Variants in ATP11A observed in about 807,000 individuals in gnomAD.
ATP11A encodes phospholipid-transporting ATPase IH.
Under a neutral mutation model 154.4 loss-of-function variants are expected in ATP11A, and 81 were observed. That is an observed-to-expected ratio of 0.52 (90% CI 0.44 to 0.63). ATP11A has a LOEUF of 0.63. Ranked by LOEUF, ATP11A falls within the 30% of genes least tolerant of loss-of-function variation. ATP11A has a pLI of 0.00. For missense variants in ATP11A, 1,316 were observed against 1,474.3 expected, an observed-to-expected ratio of 0.89 and a Z score of 1.76; for synonymous variants, 623 against 585.9, an observed-to-expected ratio of 1.06 and a Z score of -0.91.
chr13:112,791,174 C>T (rs529364636), intron 2 of ATP11A, among the ~76,000 whole-genome samples: 27 of 152,360 alleles, frequency 1.8e-4, no homozygotes, highest in African/African-American at 6.0e-4. Flanking sequence ...ACTCAGCCTG[C>T]GCAGCCCAGA....
At chr13:112,692,265 G>C (rs1885286089) in intron 1 of ATP11A, among the ~76,000 whole-genome samples, 1 of 152,160 alleles carries the variant, frequency 6.6e-6, no homozygotes, top group Non-Finnish European at 1.5e-5. Context: ...AGTTCATTCC[G>C]TTCCCTTCTA....
Position 112,838,442 on chromosome 13 carries a change from G to A in ATP11A, c.1705+2191G>A, listed in dbSNP as rs1245179213. Among the ~76,000 whole-genome samples, 2 of 152,012 alleles carry A rather than the reference G, an allele frequency of 1.3e-5. No homozygotes were observed. Among genetic ancestry groups the A allele is most frequent in the Admixed American group, 1.3e-4 (2 of 15,266 alleles). On this transcript the variant is annotated intron_variant, in intron 16 of 29. Transcript: ENST00000375645. This position sits in a 1 kb window ranked among gnomAD's most constrained non-coding sequence, Gnocchi z 7.3. Reference sequence around the variant, plus strand: ...GAGCCGTGGCTGGAACATGCTGCCCGTGACCTGCGGGGCTGACCACGGTGC... The same window carrying A: ...GAGCCGTGGCTGGAACATGCTGCCCATGACCTGCGGGGCTGACCACGGTGC...
rs36077773 is a variant in ATP11A at position 112,850,667 on chromosome 13, TA to T, written c.1810-360del. 6.3e-3 allele frequency among the ~76,000 whole-genome samples: 933 copies of T among 147,880 alleles called. 15 individuals are homozygous for T. The highest frequency in any genetic ancestry group is 0.021 in the African/African-American group (849 of 40,482). The stretch of plus-strand genomic sequence containing the variant: ...CCATAAAATTACAAATGATTATCCT[TA>T]AAAAAAAAAGGTTAAATTTAACTCT... On this transcript the variant is annotated intron_variant, in intron 17 of 29. Transcript: ENST00000375645.
chr13:112,880,349 GC>G (rs1301509429), intron 29 of ATP11A: 1 of 269,682 alleles, frequency 3.7e-6, no homozygotes, highest in East Asian at 1.4e-4. Context: ...CCTCATGGGA[GC>G]GGCCCTGCTG....
intron 13 of ATP11A, among the ~76,000 whole-genome samples, chr13:112,832,367 G>A (rs2079118352): frequency 6.6e-6 from 1 of 152,200 alleles, no homozygotes; most frequent in South Asian, 2.1e-4. Flanking sequence ...CTTCTTAAGG[G>A]GTTTCAGGGT....
At chr13:112,816,573 G>A (rs529781278) in intron 6 of ATP11A, among the ~76,000 whole-genome samples, 12 of 152,190 alleles carry the variant, frequency 7.9e-5, no homozygotes, top group South Asian at 4.1e-4. Context: ...TACTCGATGC[G>A]GCAAAACCCT....
chr13:112,880,549 G>A (rs1018125958), intron 29 of ATP11A: 1 of 1,299,476 alleles, frequency 7.7e-7, no homozygotes, highest in African/African-American at 1.5e-5. Flanking sequence ...CTTGCAGAGG[G>A]GTGTGAAGCA....
chr13:112,878,439 G>A (rs1011626807), intron 29 of ATP11A, 136 bp downstream of exon 29: 2 of 844,288 alleles, frequency 2.4e-6, no homozygotes, highest in Non-Finnish European at 3.8e-6. Flanking sequence ...CTCACGTCGG[G>A]AAGTCCCGCC....
At chr13:112,715,431 CCCACACCTGGCCCACCT>C (rs1566371057) in intron 1 of ATP11A, among the ~76,000 whole-genome samples, 2 of 24,502 alleles carry the variant, frequency 8.2e-5, no homozygotes, top group Non-Finnish European at 1.3e-4. Context: ...GGCCCACCTC[CCCACACCTGGCCCACCT>C]CCCCACACCT....
intron 2 of ATP11A, among the ~76,000 whole-genome samples, chr13:112,796,644 A>G (rs895618167): frequency 6.6e-6 from 1 of 152,248 alleles, no homozygotes; most frequent in Non-Finnish European, 1.5e-5. Context: ...GTAAGGTAAT[A>G]AATTTGCATT....
At chr13:112,831,141 C>T (rs555103643) in intron 12 of ATP11A, among the ~76,000 whole-genome samples, 1 of 152,304 alleles carries the variant, frequency 6.6e-6, no homozygotes, top group South Asian at 2.1e-4. Flanking sequence ...CCCACCCATC[C>T]TCCTGAATTG....
chr13:112,823,203 A>T lies in ATP11A; in HGVS notation c.726-142A>T, dbSNP rs936303435. The stretch of plus-strand genomic sequence containing the variant: ...CCTGGGCTGACTTAATCATCTGAAT[A>T]TAAGCAAACCTCCGTGTATGCCATC... On this transcript the variant is annotated intron_variant, in intron 8 of 29. Coordinates refer to ENST00000375645, the MANE Select transcript of ATP11A (RefSeq NM_015205.3). 4.4e-6 allele frequency: 3 copies of T among 682,714 alleles called. No individual in the cohort carries two copies. The African/African-American group carries it at 5.3e-5, about 12-fold the overall frequency. The allele number at this position is 682,714 out of a possible 1,614,324, so 42.3% of individuals were successfully genotyped here. A position where few individuals can be genotyped will look rare whatever the true frequency, so the allele number is the denominator to read the frequency against.
chr13:112,696,432 T>G lies in ATP11A; in HGVS notation c.39+5977T>G, dbSNP rs972759393. 1.3e-5 allele frequency among the ~76,000 whole-genome samples: 2 copies of G among 151,972 alleles called. No individual in the cohort carries two copies. The highest frequency in any genetic ancestry group is 2.9e-5 in the Non-Finnish European group (2 of 67,996). On this transcript the variant is annotated intron_variant, in intron 1 of 29. Coordinates refer to ENST00000375645, the MANE Select transcript of ATP11A (RefSeq NM_015205.3). This position sits in a 1 kb window ranked among gnomAD's most constrained non-coding sequence, Gnocchi z 6.2. Reference sequence around the variant, plus strand: ...CAGCCTTTCTGCCTCTGCGCTTGCCTCCTCCGGTTGGAGCGAGTGACCCGT... The same window carrying G: ...CAGCCTTTCTGCCTCTGCGCTTGCCGCCTCCGGTTGGAGCGAGTGACCCGT...
chr13:112,822,357 G>A (rs894560240), intron 8 of ATP11A, among the ~76,000 whole-genome samples: 7 of 152,190 alleles, frequency 4.6e-5, no homozygotes, highest in African/African-American at 1.4e-4. Context: ...TGGCTTCAGT[G>A]CACAGAACGG....
At chr13:112,853,398 C>A (rs1307827398) in intron 18 of ATP11A, among the ~76,000 whole-genome samples, 1 of 152,022 alleles carries the variant, frequency 6.6e-6, no homozygotes, top group African/African-American at 2.4e-5. Flanking sequence ...CTAGGAAGTT[C>A]TTCCCAAAAC....
Position 112,852,792 on chromosome 13 carries a change from GGA to G in ATP11A, c.1992-1486_1992-1485del, listed in dbSNP as rs1566573228. ...GAGTTAATGCCTGGTTGGCGGGGGG[GGA>G]TCTCAGTGGCTTTTTCGTGATGATA... On this transcript the variant is annotated intron_variant, in intron 18 of 29. Transcript: ENST00000375645. Among the ~76,000 whole-genome samples, 715 of 147,102 alleles carry G rather than the reference GGA, an allele frequency of 4.9e-3. 20 individuals carry two copies. Among genetic ancestry groups the G allele is most frequent in the African/African-American group, 0.016 (614 of 38,942 alleles).
At chr13:112,693,605 TG>T (rs1885451399) in intron 1 of ATP11A, among the ~76,000 whole-genome samples, 2 of 151,862 alleles carry the variant, frequency 1.3e-5, no homozygotes, top group Admixed American at 1.3e-4. Context: ...ATATGAGCCA[TG>T]GGGTAGTGCA....
intron 8 of ATP11A, among the ~76,000 whole-genome samples, chr13:112,823,060 A>G (rs745489151): frequency 1.2e-4 from 18 of 152,298 alleles, no homozygotes; most frequent in Non-Finnish European, 2.4e-4. Flanking sequence ...TGCCGGGCGC[A>G]GCTCAGTGGG....
intron 1 of ATP11A, among the ~76,000 whole-genome samples, chr13:112,742,919 G>T (rs534617882): frequency 4.6e-4 from 70 of 152,306 alleles, no homozygotes; most frequent in African/African-American, 1.7e-3. Context: ...GTGTACGTGG[G>T]CAGAGGGGAG....
Sources: gnomAD v4.1 joint callset for allele counts (sites outside exome capture counted in the v4.1 genomes callset) on GRCh38, gnomAD v4.1.1 for gene constraint, Gnocchi (gnomAD v3.1) non-coding constraint, MANE v1.5 for transcripts, NCBI Gene and HGNC (gene_info 2026-07-23, HGNC 2026-07-21) for gene names.